PXYLP1: variants seen among roughly 807,000 people sequenced by gnomAD.
The protein encoded by PXYLP1 is 2-phosphoxylose phosphatase 1.
A neutral mutation model predicts 37.9 loss-of-function variants in PXYLP1; 17 were observed. That is an observed-to-expected ratio of 0.45 (90% CI 0.31 to 0.67). The LOEUF is 0.67. PXYLP1 is among the 30% of genes least tolerant of loss of function. The pLI, the probability that PXYLP1 is intolerant of heterozygous loss-of-function variation, is 0.07. For synonymous variants in PXYLP1, 221 were observed against 232.2 expected (o/e 0.95, Z 0.44); for missense variants, 511 against 612.0 (o/e 0.84, Z 1.74).
intron 2 of PXYLP1, among the ~76,000 whole-genome samples, chr3:141,276,054 C>T (rs1941787072): frequency 1.3e-5 from 2 of 152,210 alleles, no homozygotes; most frequent in South Asian, 4.1e-4. Context: ...TTACAACATT[C>T]AGTGCGGTAA....
rs760098286 is a variant in PXYLP1, at chr3:141,248,597, GTA to G, written c.-53-11519_-53-11518del. The stretch of plus-strand genomic sequence containing the variant: ...CACACATGTATATATACACACACGT[GTA>G]TATATACACACGTATATATACACAC... On this transcript the variant is annotated intron_variant, in intron 1 of 5. Coordinates refer to ENST00000286353, the MANE Select transcript of PXYLP1 (RefSeq NM_001037172.3). Among the ~76,000 whole-genome samples, 6 of 23,740 alleles carry G rather than the reference GTA, an allele frequency of 2.5e-4. 2 individuals are homozygous for G. In the East Asian group the frequency reaches 7.4e-3, roughly 29 times the overall value. 15.6% of individuals were successfully genotyped at this position (23,740 alleles called of 152,430 possible). A position where few individuals can be genotyped will look rare whatever the true frequency, so the allele number is the denominator to read the frequency against.
intron 5 of PXYLP1, among the ~76,000 whole-genome samples, chr3:141,291,898 A>G (rs1288761792): frequency 1.3e-5 from 2 of 152,100 alleles, no homozygotes; most frequent in Non-Finnish European, 2.9e-5. Flanking sequence ...AGGAGGGAAA[A>G]ACCTCTCCTT....
chr3:141,238,958 G>C (rs893922144), intron 1 of PXYLP1, among the ~76,000 whole-genome samples: 2 of 152,058 alleles, frequency 1.3e-5, no homozygotes, highest in South Asian at 4.1e-4. Flanking sequence ...TGTCTCAGGG[G>C]TGGCAGAGGC....
intron 1 of PXYLP1, among the ~76,000 whole-genome samples, chr3:141,256,524 A>ACACACACACACACGTATGCGCGTGTGCG: frequency 6.6e-6 from 1 of 151,696 alleles, no homozygotes. Context: ...ACGTATACAT[A>ACACACACACACACGTATGCGCGTGTGCG]CACACACACA....
intron 1 of PXYLP1, among the ~76,000 whole-genome samples, chr3:141,244,964 C>T (rs1940901347): frequency 6.6e-6 from 1 of 151,830 alleles, no homozygotes; most frequent in African/African-American, 2.4e-5. Flanking sequence ...AACTCATCCC[C>T]CTGAGACTAA....
rs1238779243 is a variant in PXYLP1 at position 141,293,194 on chromosome 3, G to T, written c.1432G>T (p.Glu478Ter). The T allele has an allele frequency of 6.2e-7, 1 of 1,613,010 alleles. No individual in the cohort carries two copies. Among genetic ancestry groups the T allele is most frequent in the Admixed American group, 1.7e-5 (1 of 59,968 alleles). ...AAATTATTATGATGCATGTCACAGG[G>T]AAGGATTCTAAAAGGTATGCAGTAC... is the stretch of plus-strand genomic sequence containing the variant. ...GTNYYDACHREGF is the reference protein window; with the variant it reads ...GTNYYDACHR Residue 478 changes from glutamate to a stop codon, truncating the protein, a stop_gained, in exon 6 of 6, where the codon GAA (glutamate) becomes TAA (stop). Transcript: ENST00000286353. LOFTEE classifies it high-confidence loss of function.
At chr3:141,250,217 A>G (rs2148717738) in intron 1 of PXYLP1, among the ~76,000 whole-genome samples, 1 of 152,370 alleles carries the variant, frequency 6.6e-6, no homozygotes, top group East Asian at 1.9e-4. Context: ...GTCTCTGCTG[A>G]ATTACACCTG....
At chr3:141,249,043 G>A (rs1178711095) in intron 1 of PXYLP1, among the ~76,000 whole-genome samples, 1 of 151,958 alleles carries the variant, frequency 6.6e-6, no homozygotes, top group South Asian at 2.1e-4. Context: ...CACACACTTG[G>A]CCACCTCCAT....
chr3:141,268,851 T>C lies in PXYLP1; in HGVS notation c.79+8597T>C, dbSNP rs527685522. Among the ~76,000 whole-genome samples, 12 of 152,130 alleles carry C rather than the reference T, an allele frequency of 7.9e-5. No individual in the cohort carries two copies. The East Asian group carries it at 2.3e-3, about 29-fold the overall frequency. ...GCTCAGGTGGGAAAGAATGGGGAGGTGGCTGGGATGCATGGCCCCTCTCTA... is the reference window on the plus strand; with the variant it reads ...GCTCAGGTGGGAAAGAATGGGGAGGCGGCTGGGATGCATGGCCCCTCTCTA... On this transcript the variant is annotated intron_variant, in intron 2 of 5. Coordinates refer to ENST00000286353, the MANE Select transcript of PXYLP1 (RefSeq NM_001037172.3).
chr3:141,268,151 A>T (rs1941567016), intron 2 of PXYLP1, among the ~76,000 whole-genome samples: 1 of 148,282 alleles, frequency 6.7e-6, no homozygotes, highest in East Asian at 2.0e-4. Flanking sequence ...TGGTACCTTT[A>T]TATGCGGGTG....
chr3:141,267,182 G>A (rs1322985801), intron 2 of PXYLP1, among the ~76,000 whole-genome samples: 1 of 152,170 alleles, frequency 6.6e-6, no homozygotes. Context: ...GGAGGTGGTC[G>A]TCCTCTGTTC....
rs1940620033 is a variant in PXYLP1, at chr3:141,234,799, T to C, written c.-54+2888T>C. 3.9e-5 allele frequency: 6 copies of C among 152,264 alleles called. No homozygotes were observed. The South Asian group carries it at 8.3e-4, about 21-fold the overall frequency. The allele number at this position is 152,264 out of a possible 1,614,324, so 9.4% of individuals were successfully genotyped here. On this transcript the variant is annotated intron_variant, in intron 1 of 5. Coordinates refer to ENST00000286353, the MANE Select transcript of PXYLP1 (RefSeq NM_001037172.3). Reference sequence around the variant, plus strand: ...TGGGGGAATCTGGAAAGGGCTAAAATTGAGACTGCCACTTGGCTGTGGGAG... The same window carrying C: ...TGGGGGAATCTGGAAAGGGCTAAAACTGAGACTGCCACTTGGCTGTGGGAG...
intron 1 of PXYLP1, among the ~76,000 whole-genome samples, chr3:141,254,377 G>T (rs1368146383): frequency 6.6e-6 from 1 of 152,128 alleles, no homozygotes; most frequent in Non-Finnish European, 1.5e-5. Context: ...TGGCTCTCAG[G>T]AAATGTTATT....
At chr3:141,233,730 A>G (rs1940590942) in intron 1 of PXYLP1, among the ~76,000 whole-genome samples, 1 of 152,182 alleles carries the variant, frequency 6.6e-6, no homozygotes, top group Admixed American at 6.5e-5. Context: ...TGGCCTTTGG[A>G]GCACAGCACT....
At chr3:141,246,260 C>G (rs1458112625) in intron 1 of PXYLP1, among the ~76,000 whole-genome samples, 1 of 152,206 alleles carries the variant, frequency 6.6e-6, no homozygotes, top group Non-Finnish European at 1.5e-5. Context: ...GGCGGTCAGT[C>G]AGCTCTCTGC....
intron 4 of PXYLP1, among the ~76,000 whole-genome samples, chr3:141,282,421 C>T (rs1941974827): frequency 6.6e-6 from 1 of 151,966 alleles, no homozygotes; most frequent in Non-Finnish European, 1.5e-5. Flanking sequence ...CCCTGGTCTC[C>T]CACAGCCCCC....
intron 1 of PXYLP1, among the ~76,000 whole-genome samples, chr3:141,248,897 T>A (rs1941077730): frequency 2.3e-5 from 3 of 127,762 alleles, no homozygotes; most frequent in South Asian, 2.3e-4. Context: ...AGAGACAGAG[T>A]GAGTGTGTGT....
intron 1 of PXYLP1, among the ~76,000 whole-genome samples, chr3:141,258,119 G>A (rs1429197455): frequency 2.0e-5 from 3 of 152,064 alleles, no homozygotes; most frequent in Non-Finnish European, 4.4e-5. Flanking sequence ...ACATGCAAAC[G>A]CAGGGCAACC....
chr3:141,285,231 C>T lies in PXYLP1; in HGVS notation c.366-2083C>T, dbSNP rs764721633. ...GTACAATCACAGCTCACTGCAGCCT[C>T]GACCTCCTGGACTCATGTGATCCTC... On this transcript the variant is annotated intron_variant, in intron 4 of 5. Transcript: ENST00000286353. 4.8e-5 allele frequency among the ~76,000 whole-genome samples: 7 copies of T among 144,884 alleles called. No individual in the cohort carries two copies. The East Asian group carries it at 6.2e-4, about 13-fold the overall frequency.
Sources: gnomAD v4.1 joint callset for allele counts (sites outside exome capture counted in the v4.1 genomes callset) on GRCh38, gnomAD v4.1.1 for gene constraint, MANE v1.5 for transcripts, NCBI Gene and HGNC (gene_info 2026-07-23, HGNC 2026-07-21) for gene names.